PHLPP1: variants seen among roughly 807,000 people sequenced by gnomAD.
PHLPP1 encodes PH domain and leucine rich repeat protein phosphatase 1, also known as PH domain leucine-rich repeat-containing protein phosphatase 1.
PHLPP1 carries 42 observed loss-of-function variants against 117.2 expected under a neutral mutation model. That is an observed-to-expected ratio of 0.36 (90% CI 0.28 to 0.46). The LOEUF (loss-of-function observed/expected upper bound fraction) is 0.46. PHLPP1 is among the 20% of genes least tolerant of loss of function. PHLPP1 has a pLI of 1.00. For missense variants in PHLPP1, 2,084 were observed against 2,241.9 expected (o/e 0.93, Z 1.42); for synonymous variants, 1,042 against 970.7 (o/e 1.07, Z -1.37).
chr18:62,883,358 A>T (rs1207033206), intron 4 of PHLPP1, among the ~76,000 whole-genome samples: 1 of 152,244 alleles, frequency 6.6e-6, no homozygotes, highest in African/African-American at 2.4e-5. Context: ...ATGCCTGCAA[A>T]CTAAGTGGCA....
chr18:62,869,628 T>C (rs891531473), intron 4 of PHLPP1, among the ~76,000 whole-genome samples: 1 of 152,244 alleles, frequency 6.6e-6, no homozygotes, highest in African/African-American at 2.4e-5. Context: ...GACTTTTCTT[T>C]TAAAAAAGCA....
intron 1 of PHLPP1, among the ~76,000 whole-genome samples, chr18:62,746,617 A>G (rs771937755): frequency 2.0e-5 from 3 of 152,120 alleles, no homozygotes; most frequent in Non-Finnish European, 4.4e-5. Context: ...AGTAATATAA[A>G]GAACACCTGT....
chr18:62,854,853 C>T (rs375125097), intron 3 of PHLPP1, among the ~76,000 whole-genome samples: 19 of 152,122 alleles, frequency 1.2e-4, no homozygotes, highest in Middle Eastern at 3.4e-3. Flanking sequence ...CCCACCACCA[C>T]GCCTGGTTAA....
At chr18:62,923,852 G>A (rs1285049619) in intron 10 of PHLPP1, among the ~76,000 whole-genome samples, 2 of 152,098 alleles carry the variant, frequency 1.3e-5, no homozygotes, top group African/African-American at 4.8e-5. Context: ...ATTAAAGACA[G>A]TTTTTAGGAA....
chr18:62,845,532 A>G (rs1915158897), intron 3 of PHLPP1, among the ~76,000 whole-genome samples: 1 of 152,218 alleles, frequency 6.6e-6, no homozygotes, highest in Non-Finnish European at 1.5e-5. Flanking sequence ...GATTTTACTC[A>G]AGGAATACTT....
At chr18:62,799,622 C>T (rs1039803337) in intron 1 of PHLPP1, among the ~76,000 whole-genome samples, 1 of 152,134 alleles carries the variant, frequency 6.6e-6, no homozygotes, top group African/African-American at 2.4e-5. Flanking sequence ...GATCTTCCTG[C>T]TGTATTTTCC....
chr18:62,823,487 C>T (rs1247088759), intron 1 of PHLPP1, among the ~76,000 whole-genome samples: 3 of 151,728 alleles, frequency 2.0e-5, no homozygotes, highest in Non-Finnish European at 4.4e-5. Flanking sequence ...ATCATTTGAC[C>T]CCAGAAGGTT....
chr18:62,966,894 C>T (rs892779711), intron 14 of PHLPP1, among the ~76,000 whole-genome samples: 1 of 152,174 alleles, frequency 6.6e-6, no homozygotes, highest in Non-Finnish European at 1.5e-5. Flanking sequence ...CAACCCCTGT[C>T]CTTGGCAACT....
chr18:62,750,172 C>G (rs977207618), intron 1 of PHLPP1, among the ~76,000 whole-genome samples: 2 of 152,168 alleles, frequency 1.3e-5, no homozygotes, highest in African/African-American at 4.8e-5. Flanking sequence ...AGAGTTAGGG[C>G]TTCAGCATAT....
chr18:62,838,996 T>A (rs1336163271), intron 3 of PHLPP1, 87 bp downstream of exon 3: 4 of 1,408,260 alleles, frequency 2.8e-6, no homozygotes, highest in Non-Finnish European at 3.9e-6. Flanking sequence ...AAAATATGGT[T>A]AGTTACACAC....
intron 1 of PHLPP1, among the ~76,000 whole-genome samples, chr18:62,800,401 T>G (rs1284916510): frequency 6.6e-6 from 1 of 152,230 alleles, no homozygotes; most frequent in Non-Finnish European, 1.5e-5. Context: ...GTTTGATTAT[T>G]TTTAGTAAGT....
chr18:62,759,551 C>A (rs896349846), intron 1 of PHLPP1, among the ~76,000 whole-genome samples: 1 of 152,170 alleles, frequency 6.6e-6, no homozygotes, highest in Non-Finnish European at 1.5e-5. Context: ...CTTGAACATA[C>A]TAAATATTTG....
At chr18:62,727,182 C>G (rs1429481809) in intron 1 of PHLPP1, among the ~76,000 whole-genome samples, 2 of 140,720 alleles carry the variant, frequency 1.4e-5, no homozygotes, top group Non-Finnish European at 3.0e-5. Flanking sequence ...GAGCCGAGAT[C>G]AAGCCATTGC....
intron 1 of PHLPP1, among the ~76,000 whole-genome samples, chr18:62,783,364 A>C (rs538182311): frequency 6.6e-6 from 1 of 151,612 alleles, no homozygotes; most frequent in East Asian, 1.9e-4. Context: ...AGTAGCTGGG[A>C]CTACAGGTGC....
chr18:62,850,007 A>T (rs989900124), intron 3 of PHLPP1, among the ~76,000 whole-genome samples: 12 of 150,832 alleles, frequency 8.0e-5, no homozygotes, highest in South Asian at 2.1e-4. Context: ...CAATTGAAAA[A>T]ACAATCTATA....
rs189871356 is a variant in PHLPP1 at position 62,853,481 on chromosome 18, T to C, written c.1900-6954T>C. On this transcript the variant is annotated intron_variant, in intron 3 of 16. Transcript: ENST00000262719. Reference sequence around the variant, plus strand: ...GCCTCTCGGGTTCAAGCGATTCTCCTACCTCAGCCTCCTGAGTAGCTGGGA... The same window carrying C: ...GCCTCTCGGGTTCAAGCGATTCTCCCACCTCAGCCTCCTGAGTAGCTGGGA... Among the ~76,000 whole-genome samples, 911 of 152,094 alleles carry C rather than the reference T, an allele frequency of 6.0e-3. 7 individuals carry two copies. The highest frequency in any genetic ancestry group is 9.9e-3 in the Non-Finnish European group (674 of 67,988).
Position 62,975,567 on chromosome 18 carries a change from T to A in PHLPP1, c.3926T>A (p.Ile1309Asn). 6.2e-7 allele frequency: 1 copy of A among 1,613,918 alleles called. No homozygotes were observed. The change falls in exon 16 of 17, where the codon ATC becomes AAC. Residue 1309 changes from isoleucine to asparagine, a missense_variant. Physicochemically the swap from Ile to Asn is moderately radical, Grantham distance 149. Around this residue, in one of 2 missense-constraint regions of PHLPP1, gnomAD observed 1,365 missense variants for 1,605.9 expected, o/e 0.85. Transcript: ENST00000262719. ...GKPLPLSRSYIMSCEEELKRI... is the reference protein window; with the variant it reads ...GKPLPLSRSYNMSCEEELKRI... ...CCGCTGCCTCTGTCCAGATCTTACA[T>A]CATGAGCTGTGAAGAAGAGCTGAAG...
chr18:62,802,947 A>G (rs1447395359), intron 1 of PHLPP1, among the ~76,000 whole-genome samples: 1 of 152,214 alleles, frequency 6.6e-6, no homozygotes, highest in Non-Finnish European at 1.5e-5. Flanking sequence ...GGAACCAGGG[A>G]GAAGCTCAGT....
intron 1 of PHLPP1, among the ~76,000 whole-genome samples, chr18:62,800,134 T>C (rs572025509): frequency 2.0e-5 from 3 of 152,016 alleles, no homozygotes; most frequent in Non-Finnish European, 4.4e-5. Context: ...GGCCACCTAA[T>C]AGGGAGGGTG....
Sources: allele counts gnomAD v4.1 joint callset (sites outside exome capture counted in the v4.1 genomes callset), GRCh38; gene constraint gnomAD v4.1.1; regional missense constraint gnomAD v4.1.1; transcripts MANE v1.5; gene names NCBI Gene and HGNC (gene_info 2026-07-23, HGNC 2026-07-21).